Variants in ADGRE1 observed in about 807,000 individuals in gnomAD.
ADGRE1 encodes the protein EGF-like module receptor 1.
ADGRE1 carries 82 observed loss-of-function variants against 102.7 expected under a neutral mutation model. That is an observed-to-expected ratio of 0.80 (90% CI 0.67 to 0.96). The LOEUF is 0.96. ADGRE1 is among the 40% of genes least tolerant of loss of function. The probability of loss-of-function intolerance (pLI) is 0.00; values close to 1 mark genes in which losing one functional copy is unlikely to be tolerated. For synonymous variants in ADGRE1, 398 were observed against 399.6 expected (o/e 1.00, Z 0.05); for missense variants, 1,032 against 1,085.3 (o/e 0.95, Z 0.69).
intron 14 of ADGRE1, among the ~76,000 whole-genome samples, chr19:6,924,452 G>C (rs1383565759): frequency 6.6e-6 from 1 of 152,152 alleles, no homozygotes; most frequent in Non-Finnish European, 1.5e-5. Flanking sequence ...TCAAGCCCCA[G>C]TAATACATGG....
intron 13 of ADGRE1, among the ~76,000 whole-genome samples, chr19:6,920,995 G>A (rs73486700): frequency 0.085 from 12,914 of 151,978 alleles, 1,402 homozygotes; most frequent in African/African-American, 0.25. Flanking sequence ...ATAAAAACAC[G>A]TTGAATGAGG....
At position 6,935,064 on chromosome 19, in the gene ADGRE1, G is replaced by T. The variant is rs1380389290; in HGVS notation, c.2367G>T (p.Thr789=). ...RLSSVNAEVS[T]LKDTRLLTFK... is the part of the protein sequence containing the mutation. Reference sequence around the variant, plus strand: ...CCAGTGTTAATGCCGAAGTCTCAACGCTAAAAGACACCAGGTAAAGCCCTC... The same window carrying T: ...CCAGTGTTAATGCCGAAGTCTCAACTCTAAAAGACACCAGGTAAAGCCCTC... The change falls in exon 18 of 21, where the codon ACG becomes ACT. Residue 789 remains threonine, a synonymous_variant. Transcript: ENST00000312053. The T allele has an allele frequency of 1.3e-6, 2 of 1,598,162 alleles. No individual in the cohort carries two copies. Among genetic ancestry groups the T allele is most frequent in the East Asian group, 2.3e-5 (1 of 43,722 alleles).
At chr19:6,900,817 G>A (rs1327397823) in intron 5 of ADGRE1, among the ~76,000 whole-genome samples, 2 of 152,226 alleles carry the variant, frequency 1.3e-5, no homozygotes, top group Non-Finnish European at 2.9e-5. Flanking sequence ...TCCATTTGTA[G>A]CAGTGAGCTA....
chr19:6,926,706 C>A (rs1599759999), intron 16 of ADGRE1, 105 bp downstream of exon 16: 1 of 1,188,592 alleles, frequency 8.4e-7, no homozygotes, highest in Non-Finnish European at 1.2e-6. Flanking sequence ...GTTGTGGCTA[C>A]CATTTATCGA....
chr19:6,897,070 A>ACT, intron 3 of ADGRE1, 79 bp from the exon 4 acceptor site: 1 of 960,600 alleles, frequency 1.0e-6, no homozygotes, highest in African/African-American at 3.0e-5. Flanking sequence ...TATTGTTTTA[A>ACT]CTTTTTTTTT....
chr19:6,939,721 C>T (rs1386102076), intron 20 of ADGRE1, among the ~76,000 whole-genome samples: 7 of 152,138 alleles, frequency 4.6e-5, no homozygotes, highest in African/African-American at 1.7e-4. Context: ...TTTCCCTTTA[C>T]CTAATTGGTC....
chr19:6,896,635 A>T lies in ADGRE1; in HGVS notation c.238+94A>T, dbSNP rs1274793736. On this transcript the variant is annotated intron_variant, in intron 3 of 20. Coordinates refer to ENST00000312053, the MANE Select transcript of ADGRE1 (RefSeq NM_001974.5). ...GAATGTAGGTACTCCCCCACCCCCC[A>T]TTTTTTTTTAAATCTGGTTTAACTA... is the stretch of plus-strand genomic sequence containing the variant. The T allele has an allele frequency of 3.2e-5, 44 of 1,376,910 alleles. No individual in the cohort carries two copies. The East Asian group carries it at 9.7e-4, about 31-fold the overall frequency. 85.3% of individuals were successfully genotyped at this position (1,376,910 alleles called of 1,614,324 possible).
intron 17 of ADGRE1, among the ~76,000 whole-genome samples, chr19:6,933,195 T>C (rs1975238814): frequency 6.6e-6 from 1 of 152,094 alleles, no homozygotes; most frequent in South Asian, 2.1e-4. Flanking sequence ...CACTCCAGCC[T>C]GGGAGACAAG....
intron 9 of ADGRE1, among the ~76,000 whole-genome samples, chr19:6,908,100 C>T (rs408575): frequency 0.017 from 2,567 of 152,314 alleles, 29 homozygotes; most frequent in Non-Finnish European, 0.026. Context: ...CAGCCCAGGG[C>T]GGAAAAATCG....
At chr19:6,887,983 A>G (rs1357347896) in intron 1 of ADGRE1, among the ~76,000 whole-genome samples, 1 of 152,248 alleles carries the variant, frequency 6.6e-6, no homozygotes, top group Non-Finnish European at 1.5e-5. Context: ...GAAGGCACAG[A>G]TGATCATAGC....
chr19:6,900,434 A>G (rs370056174), intron 5 of ADGRE1, among the ~76,000 whole-genome samples: 3 of 152,178 alleles, frequency 2.0e-5, no homozygotes, highest in Non-Finnish European at 4.4e-5. Context: ...GCAGTGCACT[A>G]TGCTTGCATC....
At chr19:6,894,424 G>A (rs1174096048) in intron 2 of ADGRE1, among the ~76,000 whole-genome samples, 1 of 152,170 alleles carries the variant, frequency 6.6e-6, no homozygotes, top group Non-Finnish European at 1.5e-5. Flanking sequence ...GGGAGCTGTG[G>A]AGGAGTCAGG....
intron 9 of ADGRE1, among the ~76,000 whole-genome samples, chr19:6,907,191 C>T (rs956723931): frequency 1.1e-4 from 17 of 152,250 alleles, no homozygotes; most frequent in African/African-American, 3.9e-4. Context: ...GGGCTTCCCA[C>T]ATGCCTTGGA....
intron 17 of ADGRE1, among the ~76,000 whole-genome samples, chr19:6,930,152 T>C (rs1203261224): frequency 6.6e-6 from 1 of 152,212 alleles, no homozygotes; most frequent in African/African-American, 2.4e-5. Context: ...ACCCTCACTA[T>C]CTGCCTAAAT....
chr19:6,916,189 A>G, intron 11 of ADGRE1, 60 bp from the exon 12 acceptor site: 1 of 1,564,322 alleles, frequency 6.4e-7, no homozygotes, highest in Non-Finnish European at 8.7e-7. Context: ...TTGGACAGAA[A>G]CCAAATTCAG....
At chr19:6,922,610 TCTCACACACACACACACA>T (rs1209102641) in intron 14 of ADGRE1, among the ~76,000 whole-genome samples, 4 of 119,916 alleles carry the variant, frequency 3.3e-5, no homozygotes, top group African/African-American at 6.6e-5. Context: ...TGAGACTCTG[TCTCACACACACACACACA>T]CACACACACA....
At chr19:6,888,221 C>T (rs985748659) in intron 1 of ADGRE1, among the ~76,000 whole-genome samples, 7 of 151,998 alleles carry the variant, frequency 4.6e-5, no homozygotes, top group African/African-American at 1.7e-4. Flanking sequence ...CTATGTTGCC[C>T]CAAAAAATAA....
At chr19:6,921,526 C>A (rs1050936865) in intron 13 of ADGRE1, among the ~76,000 whole-genome samples, 187 bp from the exon 14 acceptor site, 1 of 152,140 alleles carries the variant, frequency 6.6e-6, no homozygotes, top group South Asian at 2.1e-4. Flanking sequence ...CTTCTAGCAA[C>A]AGCAATGTGA....
intron 16 of ADGRE1, among the ~76,000 whole-genome samples, chr19:6,927,777 T>C (rs550919878): frequency 6.6e-6 from 1 of 152,194 alleles, no homozygotes; most frequent in Admixed American, 6.6e-5. Flanking sequence ...TTCTCCTATC[T>C]CAGCCTCCCA....
Sources: allele counts gnomAD v4.1 joint callset (sites outside exome capture counted in the v4.1 genomes callset), GRCh38; gene constraint gnomAD v4.1.1; transcripts MANE v1.5; gene names NCBI Gene and HGNC (gene_info 2026-07-23, HGNC 2026-07-21).